DOCK9: variants seen among roughly 807,000 people sequenced by gnomAD.
The protein encoded by DOCK9 is dedicator of cytokinesis 9.
Under a neutral mutation model 263.3 loss-of-function variants are expected in DOCK9, and 89 were observed. The ratio of observed to expected loss-of-function variants is 0.34; its 90% CI spans 0.28 to 0.40. The LOEUF (loss-of-function observed/expected upper bound fraction) is 0.40, where lower values mean the gene tolerates loss of function less well. DOCK9 is among the 10% of genes least tolerant of loss of function. The probability of loss-of-function intolerance (pLI) is 1.00; values close to 1 mark genes in which losing one functional copy is unlikely to be tolerated. For missense variants in DOCK9, 2,140 were observed against 2,603.4 expected, an observed-to-expected ratio of 0.82 and a Z score of 3.87; for synonymous variants, 976 against 973.1, an observed-to-expected ratio of 1.00 and a Z score of -0.06.
intron 1 of DOCK9, among the ~76,000 whole-genome samples, chr13:99,014,419 C>T (rs1484625836): frequency 6.6e-6 from 1 of 152,210 alleles, no homozygotes; most frequent in East Asian, 1.9e-4. Context: ...GCATCTGATG[C>T]CTTGAGTGAT....
intron 27 of DOCK9, 111 bp from the exon 28 acceptor site, chr13:98,868,488 G>A: frequency 7.9e-7 from 1 of 1,262,978 alleles, no homozygotes; most frequent in Non-Finnish European, 1.1e-6. Context: ...TTCTAGCTGG[G>A]TGCTGTGGCT....
intron 30 of DOCK9, among the ~76,000 whole-genome samples, chr13:98,865,976 T>G (rs1179337056): frequency 1.5e-5 from 2 of 136,348 alleles, no homozygotes; most frequent in Admixed American, 7.4e-5. Flanking sequence ...AATAGGGGGG[T>G]GTGAGACCAC....
chr13:99,037,477 A>T (rs940127312), intron 1 of DOCK9, among the ~76,000 whole-genome samples: 15 of 152,230 alleles, frequency 9.9e-5, no homozygotes, highest in African/African-American at 3.6e-4. Flanking sequence ...GTTGGCAAGG[A>T]TGTGGAGCAA....
intron 12 of DOCK9, 47 bp downstream of exon 12, chr13:98,902,241 T>G (rs757318041): frequency 6.3e-7 from 1 of 1,598,040 alleles, no homozygotes; most frequent in Admixed American, 1.7e-5. Flanking sequence ...TTAGGTAGCA[T>G]GCAAAGTGAG....
At chr13:98,918,321 G>A (rs1361564148) in intron 7 of DOCK9, among the ~76,000 whole-genome samples, 1 of 152,146 alleles carries the variant, frequency 6.6e-6, no homozygotes, top group African/African-American at 2.4e-5. Flanking sequence ...AGAATATGCA[G>A]GGCAGAGTCT....
intron 45 of DOCK9, among the ~76,000 whole-genome samples, chr13:98,816,738 G>C (rs1219165233): frequency 6.6e-6 from 1 of 151,798 alleles, no homozygotes; most frequent in Non-Finnish European, 1.5e-5. Context: ...TGAAAGGTGG[G>C]GGTGGGAATA....
rs768416200 is a variant in DOCK9 at position 98,914,410 on chromosome 13, C to G, written c.893-15G>C. ...TTGTTCATCATCTAAAATGGCAAAA[C>G]AGATTATCGGAATCACTTGTAATTC... On this transcript the variant is annotated splice_polypyrimidine_tract_variant and intron_variant, in intron 8 of 52. Transcript: ENST00000682017. 1.9e-6 allele frequency: 3 copies of G among 1,601,026 alleles called. No homozygotes were observed. Among genetic ancestry groups the G allele is most frequent in the South Asian group, 2.3e-5 (2 of 88,222 alleles).
At chr13:98,928,741 A>G (rs2053445928) in intron 3 of DOCK9, among the ~76,000 whole-genome samples, 1 of 152,232 alleles carries the variant, frequency 6.6e-6, no homozygotes, top group African/African-American at 2.4e-5. Flanking sequence ...GCTTTACAAT[A>G]AAACTTTATT....
At chr13:99,087,509 C>A (rs2042374498), upstream of DOCK9, among the ~76,000 whole-genome samples, 1 of 152,150 alleles carries the variant, frequency 6.6e-6, no homozygotes, top group African/African-American at 2.4e-5. Flanking sequence ...GGCTTGCGAG[C>A]CCACCGTGAC....
chr13:98,874,252 T>C (rs1225285981), intron 27 of DOCK9, among the ~76,000 whole-genome samples: 1 of 152,246 alleles, frequency 6.6e-6, no homozygotes, highest in East Asian at 1.9e-4. Context: ...ATGTAGTCTT[T>C]TGTGTCTAAC....
intron 1 of DOCK9, among the ~76,000 whole-genome samples, chr13:98,977,549 C>T (rs1241737479): frequency 6.6e-6 from 1 of 152,154 alleles, no homozygotes; most frequent in Non-Finnish European, 1.5e-5. Context: ...TTGTCCCATA[C>T]AAAGAAACCT....
intron 1 of DOCK9, among the ~76,000 whole-genome samples, chr13:99,021,740 T>G (rs1172235714): frequency 6.6e-6 from 1 of 151,586 alleles, no homozygotes; most frequent in Non-Finnish European, 1.5e-5. Flanking sequence ...GCAATGACCA[T>G]TAGAGACAGG....
chr13:98,927,748 G>A (rs1453343874), intron 3 of DOCK9, among the ~76,000 whole-genome samples: 1 of 151,838 alleles, frequency 6.6e-6, no homozygotes, highest in African/African-American at 2.4e-5. Context: ...AGCCTCCCGA[G>A]TAGCTGGGAT....
At chr13:98,874,185 C>T (rs762773919) in intron 27 of DOCK9, among the ~76,000 whole-genome samples, 13 of 152,328 alleles carry the variant, frequency 8.5e-5, no homozygotes, top group Admixed American at 2.6e-4. Context: ...GGCTGCTCTG[C>T]GCTCTGTAGT....
At chr13:98,949,435 C>T (rs1389776913) in intron 2 of DOCK9, among the ~76,000 whole-genome samples, 1 of 152,022 alleles carries the variant, frequency 6.6e-6, no homozygotes, top group East Asian at 1.9e-4. Context: ...AACCATAAGA[C>T]AAAAGATGCA....
chr13:98,835,657 C>G (rs543020869), intron 39 of DOCK9, among the ~76,000 whole-genome samples: 3 of 151,490 alleles, frequency 2.0e-5, no homozygotes, highest in Admixed American at 2.0e-4. Flanking sequence ...TGAACTCCTA[C>G]TACCTTCCCA....
intron 45 of DOCK9, among the ~76,000 whole-genome samples, chr13:98,818,311 C>T (rs1320192701): frequency 6.6e-6 from 1 of 152,172 alleles, no homozygotes; most frequent in African/African-American, 2.4e-5. Flanking sequence ...TACACCAATA[C>T]AAAATTATTC....
At chr13:99,019,191 T>C (rs973500851) in intron 1 of DOCK9, among the ~76,000 whole-genome samples, 13 of 152,056 alleles carry the variant, frequency 8.5e-5, no homozygotes, top group African/African-American at 2.9e-4. Flanking sequence ...TCCAGAGAGA[T>C]AGAAAGCAGA....
chr13:98,872,742 A>C (rs1287781562), intron 27 of DOCK9, among the ~76,000 whole-genome samples: 1 of 152,048 alleles, frequency 6.6e-6, no homozygotes, highest in African/African-American at 2.4e-5. Context: ...CATCATTTTC[A>C]TTCCCAAAGA....
Sources: gnomAD v4.1 joint callset for allele counts (sites outside exome capture counted in the v4.1 genomes callset) on GRCh38, gnomAD v4.1.1 for gene constraint, MANE v1.5 for transcripts, NCBI Gene and HGNC (gene_info 2026-07-23, HGNC 2026-07-21) for gene names.